DPYD: variants seen among roughly 807,000 people sequenced by gnomAD.
DPYD encodes the protein dihydropyrimidine dehydrogenase.
Under a neutral mutation model 116.2 loss-of-function variants are expected in DPYD, and 109 were observed. That is an observed-to-expected ratio of 0.94 (90% CI 0.80 to 1.10). The LOEUF is 1.10. Among genes scored for constraint, DPYD ranks in the 50% least tolerant of loss-of-function variants. DPYD has a pLI of 0.00. For synonymous variants in DPYD, 440 were observed against 432.0 expected (o/e 1.02, Z -0.23); for missense variants, 1,302 against 1,254.5 (o/e 1.04, Z -0.57).
chr1:97,110,760 T>G (rs1050081414), intron 20 of DPYD, among the ~76,000 whole-genome samples: 25 of 152,144 alleles, frequency 1.6e-4, no homozygotes, highest in African/African-American at 6.0e-4. Context: ...GCTTCCATAA[T>G]GAAGCTAACA....
intron 13 of DPYD, among the ~76,000 whole-genome samples, chr1:97,456,827 A>G (rs1206448940): frequency 2.6e-5 from 4 of 152,098 alleles, no homozygotes; most frequent in Admixed American, 6.6e-5. Flanking sequence ...AGGCAAAATA[A>G]TTATCATTTA....
chr1:97,554,990 T>C (rs1475929524), intron 11 of DPYD, among the ~76,000 whole-genome samples: 3 of 152,156 alleles, frequency 2.0e-5, no homozygotes, highest in Non-Finnish European at 4.4e-5. Flanking sequence ...GCCATTCTTA[T>C]ATCTTCCTTT....
chr1:97,519,271 G>A (rs1648465870), intron 12 of DPYD, among the ~76,000 whole-genome samples: 1 of 152,108 alleles, frequency 6.6e-6, no homozygotes, highest in South Asian at 2.1e-4. Context: ...GAGGCAAGGA[G>A]GAGCAAGTCA....
chr1:97,582,134 T>C (rs955785642), intron 10 of DPYD, among the ~76,000 whole-genome samples: 7 of 152,194 alleles, frequency 4.6e-5, no homozygotes, highest in African/African-American at 1.7e-4. Context: ...GTAATGCAAG[T>C]TACATAACTA....
At chr1:97,602,375 T>C (rs1655305865) in intron 8 of DPYD, among the ~76,000 whole-genome samples, 1 of 151,990 alleles carries the variant, frequency 6.6e-6, no homozygotes, top group African/African-American at 2.4e-5. Flanking sequence ...CAGACTTCAA[T>C]TTAGAATATC....
chr1:97,496,207 C>G (rs535697655), intron 13 of DPYD, among the ~76,000 whole-genome samples: 2 of 152,144 alleles, frequency 1.3e-5, no homozygotes, highest in Admixed American at 6.6e-5. Context: ...TTATACATGT[C>G]AAATACGTTC....
intron 14 of DPYD, among the ~76,000 whole-genome samples, chr1:97,401,092 T>C (rs1015155742): frequency 2.6e-5 from 4 of 152,142 alleles, no homozygotes; most frequent in Admixed American, 2.6e-4. Context: ...CATATGCTTA[T>C]CTGCTATCTG....
At chr1:97,385,317 A>G (rs12082185) in intron 14 of DPYD, among the ~76,000 whole-genome samples, 3,082 of 112,202 alleles carry the variant, frequency 0.027, 74 homozygotes, top group African/African-American at 0.065. Flanking sequence ...AAAAAAAAAA[A>G]AGAGAGAGAG....
intron 19 of DPYD, among the ~76,000 whole-genome samples, chr1:97,211,164 T>C (rs1247285438): frequency 2.0e-5 from 3 of 152,208 alleles, no homozygotes; most frequent in African/African-American, 7.2e-5. Context: ...TGGTCCTGCC[T>C]CGTTGGCCTT....
At chr1:97,591,601 C>A (rs1654525897) in intron 10 of DPYD, among the ~76,000 whole-genome samples, 1 of 152,168 alleles carries the variant, frequency 6.6e-6, no homozygotes, top group Admixed American at 6.5e-5. Flanking sequence ...GTGACCCTTG[C>A]AAATGGAAGA....
chr1:97,347,637 C>T (rs1357563198), intron 16 of DPYD, among the ~76,000 whole-genome samples: 1 of 151,940 alleles, frequency 6.6e-6, no homozygotes, highest in Admixed American at 6.6e-5. Flanking sequence ...GTACCGGGCT[C>T]ATAAATTGAG....
At chr1:97,290,133 G>T (rs1371722652) in intron 18 of DPYD, among the ~76,000 whole-genome samples, 1 of 152,062 alleles carries the variant, frequency 6.6e-6, no homozygotes, top group Non-Finnish European at 1.5e-5. Context: ...AACTTACAAG[G>T]GACGTGAAGG....
intron 16 of DPYD, among the ~76,000 whole-genome samples, chr1:97,327,179 G>A (rs1157015121): frequency 6.6e-6 from 1 of 151,982 alleles, no homozygotes; most frequent in Non-Finnish European, 1.5e-5. Flanking sequence ...GATTTTCCAA[G>A]TCCTCTCACC....
intron 20 of DPYD, among the ~76,000 whole-genome samples, chr1:97,174,231 G>T (rs1484016560): frequency 6.6e-6 from 1 of 152,112 alleles, no homozygotes; most frequent in African/African-American, 2.4e-5. Context: ...TTGGCCTCAG[G>T]CAAGGCCAGC....
chr1:97,291,370 A>C (rs1666158490), intron 18 of DPYD, among the ~76,000 whole-genome samples: 2 of 152,000 alleles, frequency 1.3e-5, no homozygotes, highest in Non-Finnish European at 2.9e-5. Context: ...TCATGCTGCT[A>C]TAAAGACACA....
At chr1:97,620,755 C>T (rs72975740) in intron 8 of DPYD, among the ~76,000 whole-genome samples, 129 of 152,232 alleles carry the variant, frequency 8.5e-4, no homozygotes, top group African/African-American at 3.0e-3. Flanking sequence ...GTCCAATCTT[C>T]TTAGCCTTCC....
At position 97,565,569 on chromosome 1, in the gene DPYD, C is replaced by T. The variant is rs72732316; in HGVS notation, c.1339+8191G>A. ...TCCCCGTTGTCTGGGCATATGAGGT[C>T]ATTTTGTCGGCCCATACTTTTGTAT... On this transcript the variant is annotated intron_variant, in intron 11 of 22. Transcript: ENST00000370192. Among the ~76,000 whole-genome samples, 608 of 152,282 alleles carry T rather than the reference C, an allele frequency of 4.0e-3. 8 individuals are homozygous for T. Among genetic ancestry groups the T allele is most frequent in the African/African-American group, 0.014 (576 of 41,580 alleles).
chr1:97,158,128 T>C (rs1001273779), intron 20 of DPYD, among the ~76,000 whole-genome samples: 1 of 152,024 alleles, frequency 6.6e-6, no homozygotes, highest in Non-Finnish European at 1.5e-5. Flanking sequence ...TGCATTTGAT[T>C]GTAGGGTTTT....
intron 18 of DPYD, among the ~76,000 whole-genome samples, chr1:97,267,819 T>G (rs1198435813): frequency 6.6e-6 from 1 of 152,126 alleles, no homozygotes; most frequent in Non-Finnish European, 1.5e-5. Flanking sequence ...CAAAATCATG[T>G]CCTTCTCATA....
Sources: allele counts gnomAD v4.1 joint callset (sites outside exome capture counted in the v4.1 genomes callset), GRCh38; gene constraint gnomAD v4.1.1; transcripts MANE v1.5; gene names NCBI Gene and HGNC (gene_info 2026-07-23, HGNC 2026-07-21).